Variants in LRRC61 observed in about 807,000 individuals in gnomAD.
The protein encoded by LRRC61 is leucine-rich repeat-containing protein 61.
A neutral mutation model predicts 15.1 loss-of-function variants in LRRC61; 9 were observed. The observed-to-expected ratio is 0.60, with a 90% CI of 0.36 to 1.04. The LOEUF (loss-of-function observed/expected upper bound fraction) is 1.04, where lower values mean the gene tolerates loss of function less well. LRRC61 is among the 50% of genes least tolerant of loss of function. LRRC61 has a pLI of 0.01. For missense variants in LRRC61, 344 were observed against 335.6 expected (o/e 1.03, Z -0.20); for synonymous variants, 173 against 158.6 (o/e 1.09, Z -0.68).
chr7:150,313,775 G>A, the LRRC61 span, among the ~76,000 whole-genome samples: 1 of 152,248 alleles, frequency 6.6e-6, no homozygotes, highest in African/African-American at 2.4e-5. Flanking sequence ...GTGTGTTATG[G>A]ATACACACAT....
the LRRC61 span, among the ~76,000 whole-genome samples, chr7:150,310,350 C>T: frequency 2.6e-5 from 4 of 152,154 alleles, no homozygotes; most frequent in African/African-American, 7.2e-5. Context: ...TCCCATCCCA[C>T]ACCAGGATTT....
At chr7:150,321,524 G>T (rs1194167768), upstream of LRRC61, among the ~76,000 whole-genome samples, 1 of 152,214 alleles carries the variant, frequency 6.6e-6, no homozygotes, top group Non-Finnish European at 1.5e-5. Flanking sequence ...CAGATCACTT[G>T]AAGTCAGGAG....
intron 2 of LRRC61, chr7:150,331,002 CTGTGGGA>C: frequency 6.2e-7 from 1 of 1,611,910 alleles, no homozygotes; most frequent in Non-Finnish European, 8.5e-7. Flanking sequence ...CAAGAAGTAT[CTGTGGGA>C]GAATGAGACC....
chr7:150,324,250 C>G (rs1241114786), intron 1 of LRRC61: 1 of 155,546 alleles, frequency 6.4e-6, no homozygotes, highest in African/African-American at 2.4e-5. Flanking sequence ...CTCTGTCCCC[C>G]TGCAGTGCTG....
At chr7:150,312,507 A>T in the LRRC61 span, among the ~76,000 whole-genome samples, 1 of 152,230 alleles carries the variant, frequency 6.6e-6, no homozygotes, top group Non-Finnish European at 1.5e-5. Flanking sequence ...CTGGCCTAAA[A>T]ACTCATCGCC....
the LRRC61 span, among the ~76,000 whole-genome samples, chr7:150,316,256 ACTTT>A: frequency 2.0e-5 from 3 of 152,154 alleles, no homozygotes; most frequent in South Asian, 2.1e-4. Flanking sequence ...GATGTACCAT[ACTTT>A]CTTTAAGCAA....
At chr7:150,312,882 G>A in the LRRC61 span, among the ~76,000 whole-genome samples, 1 of 152,300 alleles carries the variant, frequency 6.6e-6, no homozygotes, top group African/African-American at 2.4e-5. Context: ...ATGTCCAGAT[G>A]GCCTGCAGGA....
At chr7:150,319,397 G>T (rs1165245855), upstream of LRRC61, among the ~76,000 whole-genome samples, 6 of 152,070 alleles carry the variant, frequency 3.9e-5, no homozygotes, top group Admixed American at 3.9e-4. Context: ...AGTAGAAACG[G>T]GGTTTCTCCA....
chr7:150,314,773 A>G, the LRRC61 span, among the ~76,000 whole-genome samples: 3 of 144,536 alleles, frequency 2.1e-5, no homozygotes, highest in Non-Finnish European at 3.0e-5. Flanking sequence ...CATCTCTCCA[A>G]AAAAAAAAAA....
In LRRC61 at chr7:150,337,189, G is replaced by T; in HGVS notation, c.328G>T (p.Ala110Ser). 1.2e-6 allele frequency: 2 copies of T among 1,607,080 alleles called. No individual in the cohort carries two copies. The change falls in exon 3 of 3, where the codon GCC (alanine) becomes TCC (serine). Residue 110 changes from alanine to serine, a missense_variant. Coordinates refer to ENST00000359623, the MANE Select transcript of LRRC61 (RefSeq NM_001142928.2). ...TCTCAATGCCGCAGGCAACCTACTG[G>T]CCACCCCGGGCCAGCTGCAGTGTCT... ...QSLNAAGNLL[A>S]TPGQLQCLAG...
upstream of LRRC61, chr7:150,322,962 C>CG (rs1370778489): frequency 1.3e-5 from 2 of 152,444 alleles, no homozygotes; most frequent in Non-Finnish European, 2.9e-5. Context: ...CGCACTCGGG[C>CG]GGTCAGCCTG....
the LRRC61 span, among the ~76,000 whole-genome samples, chr7:150,315,290 C>T: frequency 1.3e-5 from 2 of 152,032 alleles, no homozygotes; most frequent in Non-Finnish European, 2.9e-5. Context: ...TGATAAACTT[C>T]TGTCCTGCTA....
the LRRC61 span, among the ~76,000 whole-genome samples, chr7:150,313,764 A>T: frequency 6.6e-6 from 1 of 152,066 alleles, no homozygotes; most frequent in African/African-American, 2.4e-5. Context: ...GGGGAGAGAG[A>T]GTGTGTTATG....
At chr7:150,318,539 G>A (rs1004037604), upstream of LRRC61, among the ~76,000 whole-genome samples, 3 of 152,128 alleles carry the variant, frequency 2.0e-5, no homozygotes, top group Admixed American at 1.3e-4. Context: ...CAAGGTGGGC[G>A]GATCACGAGA....
chr7:150,314,024 G>A, the LRRC61 span, among the ~76,000 whole-genome samples: 5 of 152,218 alleles, frequency 3.3e-5, no homozygotes, highest in East Asian at 1.9e-4. Context: ...GCACAGTACT[G>A]GACCCATATG....
Position 150,337,595 on chromosome 7 carries a change from A to G in LRRC61, c.734A>G (p.Glu245Gly). The G allele has an allele frequency of 6.4e-7, 1 of 1,565,416 alleles. No individual in the cohort carries two copies. Among genetic ancestry groups the G allele is most frequent in the Non-Finnish European group, 8.6e-7 (1 of 1,157,576 alleles). Residue 245 changes from glutamate to glycine, a missense_variant, in exon 3 of 3, where the codon GAG (glutamate) becomes GGG (glycine). Glu to Gly is a moderately conservative substitution (Grantham distance 98). Transcript: ENST00000359623. ...RQASDSLAQA[E>G]QVLSSAGPTS... ...GCCAGCGACAGCCTGGCCCAGGCGGAGCAGGTACTCAGCTCTGCGGGCCCC... is the reference window on the plus strand; with the variant it reads ...GCCAGCGACAGCCTGGCCCAGGCGGGGCAGGTACTCAGCTCTGCGGGCCCC...
chr7:150,321,074 C>G (rs778343997), upstream of LRRC61, among the ~76,000 whole-genome samples: 24 of 152,306 alleles, frequency 1.6e-4, no homozygotes, highest in Non-Finnish European at 2.9e-4. Flanking sequence ...AAGAATCCTG[C>G]TGAGTCAGTT....
intron 1 of LRRC61, chr7:150,324,345 A>G (rs1585038304): frequency 6.6e-6 from 1 of 152,342 alleles, no homozygotes; most frequent in Admixed American, 6.5e-5. Flanking sequence ...GTGGGGTTCT[A>G]CTTCTCTTGC....
At chr7:150,319,453 T>C (rs907878457), upstream of LRRC61, among the ~76,000 whole-genome samples, 1 of 152,180 alleles carries the variant, frequency 6.6e-6, no homozygotes, top group Admixed American at 6.5e-5. Context: ...GTGATTTGCC[T>C]GCCTCGGCCT....
Sources: allele counts gnomAD v4.1 joint callset (sites outside exome capture counted in the v4.1 genomes callset), GRCh38; gene constraint gnomAD v4.1.1; transcripts MANE v1.5; gene names NCBI Gene and HGNC (gene_info 2026-07-23, HGNC 2026-07-21).